TAF4: variants seen among roughly 807,000 people sequenced by gnomAD.
TAF4 encodes the protein TATA-box binding protein associated factor 4, also known as transcription initiation factor TFIID subunit 4.
TAF4 carries 9 observed loss-of-function variants against 90.3 expected under a neutral mutation model. The ratio of observed to expected loss-of-function variants is 0.10; its 90% CI spans 0.06 to 0.17. TAF4 has a LOEUF of 0.17. TAF4 is among the 10% of genes least tolerant of loss of function. The probability of loss-of-function intolerance (pLI) is 1.00; values close to 1 mark genes in which losing one functional copy is unlikely to be tolerated. For synonymous variants in TAF4, 818 were observed against 638.9 expected (o/e 1.28, Z -4.23); for missense variants, 1,351 against 1,370.7 (o/e 0.99, Z 0.23).
Position 62,003,835 on chromosome 20 carries a change from G to A in TAF4, c.2267C>T (p.Pro756Leu), listed in dbSNP as rs1221506625. 2.5e-6 allele frequency: 4 copies of A among 1,599,838 alleles called. No homozygotes were observed. Among genetic ancestry groups the A allele is most frequent in the East Asian group, 2.2e-5 (1 of 44,492 alleles). ...GGGTGTCTGCGTCAACGTCACCTGC[G>A]GGGGCCGGATCAGGGCTCCTGGCTT... ...PPKPGALIRPPQVTLTQTPMV... is the reference protein window; with the variant it reads ...PPKPGALIRPLQVTLTQTPMV... Residue 756 changes from proline (P) to leucine (L), a missense_variant, in exon 8 of 15, where the codon CCG becomes CTG. Physicochemically the swap from Pro to Leu is moderately conservative, Grantham distance 98. This residue lies in a region of TAF4 where 202 missense variants were observed against 229.7 expected (regional missense o/e 0.88). Transcript: ENST00000252996.
At chr20:62,025,665 G>A (rs1757472084) in intron 1 of TAF4, among the ~76,000 whole-genome samples, 1 of 152,198 alleles carries the variant, frequency 6.6e-6, no homozygotes. Flanking sequence ...TGCCATGATT[G>A]TCCCCAGTCA....
At chr20:62,053,320 A>G (rs1311051036) in intron 1 of TAF4, among the ~76,000 whole-genome samples, 3 of 72,322 alleles carry the variant, frequency 4.1e-5, no homozygotes, top group Non-Finnish European at 9.0e-5. Context: ...GGAGCCCATG[A>G]GGCCGCGGGA....
intron 2 of TAF4, among the ~76,000 whole-genome samples, chr20:62,013,886 C>T (rs866876488): frequency 1.4e-5 from 2 of 142,154 alleles, no homozygotes; most frequent in Admixed American, 7.1e-5. Context: ...TCGGGAGCTT[C>T]GGCCCTGAAG....
At chr20:62,007,862 G>A (rs2055756172) in intron 5 of TAF4, 2 of 462,180 alleles carry the variant, frequency 4.3e-6, no homozygotes, top group Non-Finnish European at 3.9e-6. Flanking sequence ...CTCCTCCTGG[G>A]AGGGTCACCT....
At chr20:61,989,768 A>G (rs2055619051) in intron 14 of TAF4, among the ~76,000 whole-genome samples, 1 of 152,128 alleles carries the variant, frequency 6.6e-6, no homozygotes, top group Non-Finnish European at 1.5e-5. Flanking sequence ...GGACCCTGGC[A>G]TCCACAGCAC....
chr20:62,033,225 T>C (rs2055914183), intron 1 of TAF4, among the ~76,000 whole-genome samples: 1 of 151,874 alleles, frequency 6.6e-6, no homozygotes, highest in Non-Finnish European at 1.5e-5. Flanking sequence ...GCTCTGGTGC[T>C]CTCCATGAAG....
At position 62,065,803 on chromosome 20, in the gene TAF4, G is replaced by A. The variant is rs2056128093; in HGVS notation, c.8C>T (p.Ala3Val). The change falls in exon 1 of 15, where the codon GCG becomes GTG. Residue 3 changes from alanine to valine, a missense_variant. Ala to Val is a moderately conservative substitution (Grantham distance 64). Around this residue, in one of 9 missense-constraint regions of TAF4, gnomAD observed 782 missense variants for 536.6 expected, o/e 1.46. Coordinates refer to ENST00000252996, the MANE Select transcript of TAF4 (RefSeq NM_003185.4). MA[A>V]GSDLLDEVFF... ...GACCTCGTCCAGCAGATCCGAGCCC[G>A]CCGCCATCTTTTTTCCTCGGCCGCC... 3.1e-6 allele frequency: 4 copies of A among 1,296,092 alleles called. No homozygotes were observed. Among genetic ancestry groups the A allele is most frequent in the South Asian group, 1.3e-5 (1 of 75,348 alleles). 80.3% of individuals were successfully genotyped at this position (1,296,092 alleles called of 1,614,324 possible). A position where few individuals can be genotyped will look rare whatever the true frequency, so the allele number is the denominator to read the frequency against.
At chr20:62,017,148 C>CA (rs775871007) in intron 1 of TAF4, among the ~76,000 whole-genome samples, 5,391 of 137,464 alleles carry the variant, frequency 0.039, 189 homozygotes, top group African/African-American at 0.097. Context: ...CTCCTAAAAA[C>CA]AAAAAAAAAA....
Position 61,985,704 on chromosome 20 carries a change from A to G in TAF4, c.3091-9369T>C, listed in dbSNP as rs141249994. Among the ~76,000 whole-genome samples, 64 of 151,196 alleles carry G rather than the reference A, an allele frequency of 4.2e-4. No individual in the cohort carries two copies. In the East Asian group the frequency reaches 0.012, roughly 29 times the overall value. ...CGAGGGAAGCTAGAATGAGCCTGTG[A>G]CGTCAGACTAGATCCTGAGGCCTGA... On this transcript the variant is annotated intron_variant, in intron 14 of 14. Coordinates refer to ENST00000252996, the MANE Select transcript of TAF4 (RefSeq NM_003185.4).
At chr20:61,999,533 T>C (rs962024696) in intron 11 of TAF4, among the ~76,000 whole-genome samples, 4 of 152,236 alleles carry the variant, frequency 2.6e-5, no homozygotes, top group African/African-American at 7.2e-5. Context: ...TGTTCATATG[T>C]GACTGCTGGT....
chr20:62,009,723 A>G (rs2055767242), intron 4 of TAF4, among the ~76,000 whole-genome samples: 1 of 152,212 alleles, frequency 6.6e-6, no homozygotes, highest in Admixed American at 6.5e-5. Flanking sequence ...GTATCGATAC[A>G]GGCCGACACT....
At chr20:61,980,962 G>C (rs1420463902) in intron 14 of TAF4, 1 of 152,448 alleles carries the variant, frequency 6.6e-6, no homozygotes, top group Non-Finnish European at 1.5e-5. Flanking sequence ...ACAGGGCAGG[G>C]ACCACTGAGC....
intron 1 of TAF4, among the ~76,000 whole-genome samples, chr20:62,019,791 T>G (rs577329679): frequency 6.6e-6 from 1 of 152,246 alleles, no homozygotes; most frequent in Non-Finnish European, 1.5e-5. Context: ...GTTTTCCTGA[T>G]TCCTTTTGTA....
chr20:62,053,909 C>T (rs1419218609), intron 1 of TAF4, among the ~76,000 whole-genome samples: 1 of 152,238 alleles, frequency 6.6e-6, no homozygotes, highest in Non-Finnish European at 1.5e-5. Context: ...GCCCTTGCAG[C>T]CGCAGGACTG....
chr20:62,055,364 C>T (rs2056057351), intron 1 of TAF4, among the ~76,000 whole-genome samples: 1 of 152,132 alleles, frequency 6.6e-6, no homozygotes, highest in Admixed American at 6.5e-5. Context: ...ATTCACACTG[C>T]CTGCGGGCAG....
intron 14 of TAF4, among the ~76,000 whole-genome samples, chr20:61,986,942 G>A (rs1174336306): frequency 6.6e-6 from 1 of 152,244 alleles, no homozygotes; most frequent in African/African-American, 2.4e-5. Flanking sequence ...TGCCCACGCA[G>A]GGGCCAAAGG....
chr20:61,997,775 A>G lies in TAF4; in HGVS notation c.2971-106T>C, dbSNP rs966243653. On this transcript the variant is annotated intron_variant, in intron 13 of 14. Transcript: ENST00000252996. ...AGGGTTTTCTGTAGTTTTCTAAATCATAACTTCTTTAATGTTTTGACTTTC... is the reference window on the plus strand; with the variant it reads ...AGGGTTTTCTGTAGTTTTCTAAATCGTAACTTCTTTAATGTTTTGACTTTC... 3.9e-5 allele frequency: 53 copies of G among 1,374,780 alleles called. No individual in the cohort carries two copies. In the African/African-American group the frequency reaches 4.0e-4, roughly 10 times the overall value. The allele number at this position is 1,374,780 out of a possible 1,614,324, so 85.2% of individuals were successfully genotyped here.
intron 1 of TAF4, among the ~76,000 whole-genome samples, chr20:62,029,756 A>T (rs536515808): frequency 1.2e-4 from 19 of 152,298 alleles, no homozygotes; most frequent in African/African-American, 3.1e-4. Context: ...ACATACAAAA[A>T]TTAGCTGGGC....
chr20:62,021,570 G>A (rs2055843383), intron 1 of TAF4, among the ~76,000 whole-genome samples: 2 of 152,266 alleles, frequency 1.3e-5, no homozygotes. Context: ...GCGTGGGCTG[G>A]GCCGGGGCTC....
Sources: allele counts gnomAD v4.1 joint callset (sites outside exome capture counted in the v4.1 genomes callset), GRCh38; gene constraint gnomAD v4.1.1; regional missense constraint gnomAD v4.1.1; transcripts MANE v1.5; gene names NCBI Gene and HGNC (gene_info 2026-07-23, HGNC 2026-07-21).